The following BLOC1S5 variants were observed in gnomAD, a reference collection of about 807,000 sequenced individuals.
The protein encoded by BLOC1S5 is biogenesis of lysosomal organelles complex 1 subunit 5.
BLOC1S5 carries 27 observed loss-of-function variants against 24.3 expected under a neutral mutation model. The ratio of observed to expected loss-of-function variants is 1.11; its 90% CI spans 0.82 to 1.53. The LOEUF is 1.53. BLOC1S5 is among the 40% of genes most tolerant of loss of function. BLOC1S5 has a pLI of 0.00. For missense variants in BLOC1S5, 239 were observed against 229.4 expected, an observed-to-expected ratio of 1.04 and a Z score of -0.27; for synonymous variants, 84 against 74.5, an observed-to-expected ratio of 1.13 and a Z score of -0.66.
intron 4 of BLOC1S5, among the ~76,000 whole-genome samples, chr6:8,022,179 C>T (rs929120043): frequency 1.3e-5 from 2 of 150,770 alleles, no homozygotes; most frequent in African/African-American, 4.9e-5. Context: ...GGGCATTTTA[C>T]ACCCCTCTTC....
intron 4 of BLOC1S5, among the ~76,000 whole-genome samples, chr6:8,016,127 A>C (rs946352413): frequency 1.4e-4 from 21 of 152,202 alleles, no homozygotes; most frequent in African/African-American, 3.9e-4. Context: ...GGAGTTTGAG[A>C]CCAGCCTGGC....
Position 8,048,480 on chromosome 6 carries a change from CTTAAA to C in BLOC1S5, c.196-7217_196-7213del, listed in dbSNP as rs200804267. ...TCTTGAGTTCATACTGATAGTCAAA[CTTAAA>C]TTAAAGACCACAGAATTTCTAATTA... On this transcript the variant is annotated intron_variant, in intron 2 of 4. Coordinates refer to ENST00000397457, the MANE Select transcript of BLOC1S5 (RefSeq NM_201280.3). Among the ~76,000 whole-genome samples, 1,430 of 151,304 alleles carry C rather than the reference CTTAAA, an allele frequency of 9.5e-3. 12 individuals carry two copies. Among genetic ancestry groups the C allele is most frequent in the Admixed American group, 0.021 (318 of 15,228 alleles).
chr6:8,038,859 T>G (rs937017660), intron 3 of BLOC1S5, among the ~76,000 whole-genome samples: 2 of 152,250 alleles, frequency 1.3e-5, no homozygotes, highest in Admixed American at 1.3e-4. Context: ...TCTCGTATAC[T>G]ATTGGTCAGA....
chr6:8,033,172 C>T (rs900316663), intron 3 of BLOC1S5, among the ~76,000 whole-genome samples: 1 of 152,138 alleles, frequency 6.6e-6, no homozygotes, highest in African/African-American at 2.4e-5. Flanking sequence ...ATTGCCAAGA[C>T]AATCCTAAGC....
At chr6:8,032,471 G>A (rs888376493) in intron 3 of BLOC1S5, among the ~76,000 whole-genome samples, 3 of 152,042 alleles carry the variant, frequency 2.0e-5, no homozygotes, top group Non-Finnish European at 2.9e-5. Context: ...TTGATGGAAT[G>A]TATCTCAAAA....
intron 3 of BLOC1S5, among the ~76,000 whole-genome samples, chr6:8,040,909 C>A (rs1763655681): frequency 6.6e-6 from 1 of 151,934 alleles, no homozygotes; most frequent in African/African-American, 2.4e-5. Context: ...GACTTTCTCA[C>A]ATACTAAACA....
At chr6:8,030,760 T>C (rs1164302813) in intron 3 of BLOC1S5, among the ~76,000 whole-genome samples, 4 of 151,130 alleles carry the variant, frequency 2.6e-5, no homozygotes, top group Non-Finnish European at 5.9e-5. Context: ...TAATCCCAGC[T>C]AGTCCGGAGG....
At chr6:8,041,603 C>T (rs1324049772) in intron 2 of BLOC1S5, among the ~76,000 whole-genome samples, 1 of 147,428 alleles carries the variant, frequency 6.8e-6, no homozygotes, top group Non-Finnish European at 1.5e-5. Context: ...TGAGCCACTG[C>T]GCCCGGCCAT....
Position 8,041,062 on chromosome 6 carries a change from A to G in BLOC1S5, c.325+77T>C, listed in dbSNP as rs536866566. On this transcript the variant is annotated intron_variant, in intron 3 of 4. Transcript: ENST00000397457. ...TCCCTCTCCCTCTCCACCTCCCCCC[A>G]TAATACCCAAGAAAATACATTTTGG... 7.3e-5 allele frequency: 108 copies of G among 1,486,522 alleles called. 1 individual carries two copies. The African/African-American group carries it at 1.3e-3, about 18-fold the overall frequency. 92.1% of individuals were successfully genotyped at this position (1,486,522 alleles called of 1,614,324 possible). A position where few individuals can be genotyped will look rare whatever the true frequency, so the allele number is the denominator to read the frequency against.
intron 2 of BLOC1S5, among the ~76,000 whole-genome samples, chr6:8,047,160 T>TCA (rs57923927): frequency 0.078 from 9,905 of 126,718 alleles, 563 homozygotes; most frequent in Middle Eastern, 0.2. Flanking sequence ...TCTCTCTCTC[T>TCA]CACACACACA....
intron 2 of BLOC1S5, chr6:8,054,309 C>T (rs1283415022): frequency 4.5e-6 from 2 of 447,136 alleles, no homozygotes; most frequent in South Asian, 1.6e-5. Context: ...TACATCTTCA[C>T]CGTCAGAACA....
At chr6:8,021,924 C>T (rs1762927813) in intron 4 of BLOC1S5, among the ~76,000 whole-genome samples, 1 of 152,092 alleles carries the variant, frequency 6.6e-6, no homozygotes, top group Non-Finnish European at 1.5e-5. Flanking sequence ...TCTCTTTCTA[C>T]TTAGTAAAAT....
At chr6:8,045,973 T>C (rs1763875972) in intron 2 of BLOC1S5, among the ~76,000 whole-genome samples, 1 of 152,044 alleles carries the variant, frequency 6.6e-6, no homozygotes, top group African/African-American at 2.4e-5. Flanking sequence ...GCATGATTGG[T>C]TTTGAAATGT....
chr6:8,025,113 T>C (rs1763061809), intron 4 of BLOC1S5, among the ~76,000 whole-genome samples: 1 of 152,258 alleles, frequency 6.6e-6, no homozygotes, highest in African/African-American at 2.4e-5. Flanking sequence ...TTACACTTTA[T>C]TTGCCAAGAT....
intron 2 of BLOC1S5, among the ~76,000 whole-genome samples, chr6:8,060,715 G>C (rs1202822470): frequency 6.6e-6 from 1 of 152,112 alleles, no homozygotes; most frequent in Non-Finnish European, 1.5e-5. Context: ...CCACATTTAA[G>C]AACTAAATCC....
rs1381541336 is a variant in BLOC1S5 at position 8,047,158 on chromosome 6, TCTCA to T, written c.196-5894_196-5891del. On this transcript the variant is annotated intron_variant, in intron 2 of 4. Coordinates refer to ENST00000397457, the MANE Select transcript of BLOC1S5 (RefSeq NM_201280.3). ...ATAAGACCACCTCTCTCTCTCTCTC[TCTCA>T]CACACACACACACACACACACACAC... Among the ~76,000 whole-genome samples, 5 of 58,002 alleles carry T rather than the reference TCTCA, an allele frequency of 8.6e-5. No individual in the cohort carries two copies. The South Asian group carries it at 2.4e-3, about 28-fold the overall frequency. 38.1% of individuals were successfully genotyped at this position (58,002 alleles called of 152,430 possible). A position where few individuals can be genotyped will look rare whatever the true frequency, so the allele number is the denominator to read the frequency against.
At chr6:8,051,740 A>G (rs1482751841) in intron 2 of BLOC1S5, among the ~76,000 whole-genome samples, 1 of 152,154 alleles carries the variant, frequency 6.6e-6, no homozygotes, top group Non-Finnish European at 1.5e-5. Context: ...GTCATAAAGA[A>G]TTATGCTAGA....
Position 8,038,185 on chromosome 6 carries a change from G to A in BLOC1S5, c.325+2954C>T, listed in dbSNP as rs139446786. Among the ~76,000 whole-genome samples the A allele has an allele frequency of 3.6e-3, 549 of 152,228 alleles. 4 individuals are homozygous for A. The highest frequency in any genetic ancestry group is 0.033 in the East Asian group (169 of 5,182). ...CATCAAGCTAAAACGCTTCCGTGAC[G>A]CAAAGAAAATAATCAGCAAGTTGAA... is the stretch of plus-strand genomic sequence containing the variant. On this transcript the variant is annotated intron_variant, in intron 3 of 4. Transcript: ENST00000397457.
chr6:8,045,853 T>G (rs1333804445), intron 2 of BLOC1S5, among the ~76,000 whole-genome samples: 2 of 152,240 alleles, frequency 1.3e-5, no homozygotes, highest in East Asian at 1.9e-4. Flanking sequence ...CTTTTGATTT[T>G]GCAGGCTTAC....
Sources: gnomAD v4.1 joint callset for allele counts (sites outside exome capture counted in the v4.1 genomes callset) on GRCh38, gnomAD v4.1.1 for gene constraint, MANE v1.5 for transcripts, NCBI Gene and HGNC (gene_info 2026-07-23, HGNC 2026-07-21) for gene names.